Variants in ADGRV1 observed in about 807,000 individuals in gnomAD.
ADGRV1 encodes adhesion G protein-coupled receptor V1, also known as G-protein coupled receptor 98.
Under a neutral mutation model 596.2 loss-of-function variants are expected in ADGRV1, and 359 were observed. That is an observed-to-expected ratio of 0.60 (90% confidence interval 0.55 to 0.66). The LOEUF (loss-of-function observed/expected upper bound fraction) is 0.66, where lower values mean the gene tolerates loss of function less well. Among genes scored for constraint, ADGRV1 ranks in the 30% least tolerant of loss-of-function variants. ADGRV1 has a pLI of 0.00. For synonymous variants in ADGRV1, 2,681 were observed against 2,679.2 expected (o/e 1.00, Z -0.02); for missense variants, 7,274 against 7,575.6 (o/e 0.96, Z 1.48).
At chr5:90,577,118 T>A (rs1240144882) in intron 1 of ADGRV1, among the ~76,000 whole-genome samples, 1 of 152,202 alleles carries the variant, frequency 6.6e-6, no homozygotes, top group East Asian at 1.9e-4. Context: ...GCTCTTTAGT[T>A]TAATTAGATC....
At chr5:91,090,098 C>T (rs183285830) in intron 86 of ADGRV1, among the ~76,000 whole-genome samples, 330 of 152,210 alleles carry the variant, frequency 2.2e-3, no homozygotes, top group Middle Eastern at 0.014. Context: ...AAAATTACTA[C>T]GACAGCTGTA....
rs1247149538 is a variant in ADGRV1, at chr5:90,566,916, G to A, written c.22+7999G>A. Among the ~76,000 whole-genome samples, 4 of 152,112 alleles carry A rather than the reference G, an allele frequency of 2.6e-5. No individual in the cohort carries two copies. The South Asian group carries it at 8.3e-4, about 32-fold the overall frequency. On this transcript the variant is annotated intron_variant, in intron 1 of 89. Coordinates refer to ENST00000405460, the MANE Select transcript of ADGRV1 (RefSeq NM_032119.4). ...TGTGATCTTAGAGAGAAAACTTTTG[G>A]TCTTTCAGCATTAAGTATGATGTGG...
At chr5:90,569,994 T>A (rs1756312717) in intron 1 of ADGRV1, among the ~76,000 whole-genome samples, 1 of 152,174 alleles carries the variant, frequency 6.6e-6, no homozygotes, top group Non-Finnish European at 1.5e-5. Context: ...AAAGTACATT[T>A]ATGCCATCTT....
rs551023400 is a variant in ADGRV1, at chr5:91,066,048, T to C, written c.18153-6399T>C. The stretch of plus-strand genomic sequence containing the variant: ...TGAAGTTCTTTGAAGCTGGTTGAGC[T>C]GCAATTACAGAGAACACATTCTCCT... On this transcript the variant is annotated intron_variant, in intron 85 of 89. Transcript: ENST00000405460. Among the ~76,000 whole-genome samples, 7 of 152,346 alleles carry C rather than the reference T, an allele frequency of 4.6e-5. No individual in the cohort carries two copies. In the South Asian group the frequency reaches 1.5e-3, roughly 32 times the overall value.
chr5:90,730,056 C>G (rs535014674), intron 50 of ADGRV1, among the ~76,000 whole-genome samples: 21 of 152,170 alleles, frequency 1.4e-4, no homozygotes, highest in Admixed American at 3.3e-4. Flanking sequence ...TTAGTAGAGA[C>G]GGGGTTTCAC....
chr5:91,069,647 G>T (rs1581959778), intron 85 of ADGRV1, among the ~76,000 whole-genome samples: 1 of 152,218 alleles, frequency 6.6e-6, no homozygotes, highest in Non-Finnish European at 1.5e-5. Flanking sequence ...GTGAATGCAT[G>T]TGCACTATTG....
intron 19 of ADGRV1, 126 bp downstream of exon 19, chr5:90,652,689 C>G (rs779966146): frequency 6.0e-5 from 37 of 612,274 alleles, no homozygotes; most frequent in South Asian, 3.5e-4. Context: ...TCATGACTAT[C>G]TGATTTTAAA....
chr5:90,639,035 G>C (rs1375868020), intron 11 of ADGRV1, among the ~76,000 whole-genome samples: 2 of 146,836 alleles, frequency 1.4e-5, no homozygotes, highest in Non-Finnish European at 3.0e-5. Flanking sequence ...AAAATACCAA[G>C]CAAACAAAAA....
intron 83 of ADGRV1, among the ~76,000 whole-genome samples, chr5:90,962,974 G>A (rs1373267705): frequency 6.6e-6 from 1 of 152,080 alleles, no homozygotes; most frequent in Admixed American, 6.5e-5. Flanking sequence ...ATTTAAGTTA[G>A]CATATACTTA....
Position 91,159,470 on chromosome 5 carries a change from T to A in ADGRV1, c.18803-4312T>A, listed in dbSNP as rs180982990. On this transcript the variant is annotated intron_variant, in intron 89 of 89. Transcript: ENST00000405460. ...CCATAAAACAGTCATGGACTTCTTT[T>A]TCAATCTAATTTTAACCATATTACA... is the stretch of plus-strand genomic sequence containing the variant. Among the ~76,000 whole-genome samples the A allele has an allele frequency of 2.0e-3, 303 of 152,344 alleles. 1 individual carries two copies. The highest frequency in any genetic ancestry group is 3.4e-3 in the Non-Finnish European group (229 of 68,032).
chr5:90,686,165 G>T lies in ADGRV1; in HGVS notation c.6490+170G>T, dbSNP rs57363721. On this transcript the variant is annotated intron_variant, in intron 29 of 89. Coordinates refer to ENST00000405460, the MANE Select transcript of ADGRV1 (RefSeq NM_032119.4). The stretch of plus-strand genomic sequence containing the variant: ...ACAAATCTAGAGTCTTTTTTTTTGG[G>T]GGGGGGGATGGAGTCTCGCTTGATT... 2.1e-3 allele frequency among the ~76,000 whole-genome samples: 318 copies of T among 150,234 alleles called. 5 individuals carry two copies. The highest frequency in any genetic ancestry group is 7.2e-3 in the African/African-American group (296 of 40,978).
intron 83 of ADGRV1, among the ~76,000 whole-genome samples, chr5:90,895,671 G>T (rs1484473960): frequency 6.6e-6 from 1 of 152,122 alleles, no homozygotes; most frequent in Non-Finnish European, 1.5e-5. Context: ...CAAATTTCAA[G>T]ATAGAACACT....
Position 90,712,391 on chromosome 5 carries a change from T to C in ADGRV1, c.9147T>C (p.Asn3049=). Residue 3049 remains asparagine (N), a synonymous_variant, in exon 42 of 90, where the codon AAT becomes AAC. Transcript: ENST00000405460. ...GDEKFQLILT[N]PSPGLELGKN... is the part of the protein sequence containing the mutation. ...AAAAATTTCAGCTGATTTTAACAAA[T>C]CCTTCTCCTGGACTAGAGCTAGGGA... is the stretch of plus-strand genomic sequence containing the variant. The C allele has an allele frequency of 6.3e-7, 1 of 1,590,770 alleles. No homozygotes were observed. The highest frequency in any genetic ancestry group is 1.7e-4 in the Middle Eastern group (1 of 5,844).
At chr5:90,799,368 A>C (rs1761104659) in intron 70 of ADGRV1, among the ~76,000 whole-genome samples, 1 of 152,182 alleles carries the variant, frequency 6.6e-6, no homozygotes, top group Non-Finnish European at 1.5e-5. Flanking sequence ...TCAAATTTAC[A>C]AGGGATGTGA....
chr5:91,116,026 G>A (rs1792824205), intron 87 of ADGRV1, among the ~76,000 whole-genome samples: 1 of 152,040 alleles, frequency 6.6e-6, no homozygotes, highest in Non-Finnish European at 1.5e-5. Flanking sequence ...CAAATGGATA[G>A]CACTCCAGGA....
chr5:91,066,138 T>C (rs974351786), intron 85 of ADGRV1, among the ~76,000 whole-genome samples: 2 of 152,240 alleles, frequency 1.3e-5, no homozygotes, highest in African/African-American at 4.8e-5. Context: ...ATCTGCCAGA[T>C]GTGTTCTTGA....
chr5:91,052,535 A>G (rs574551443), intron 85 of ADGRV1, among the ~76,000 whole-genome samples: 1 of 152,042 alleles, frequency 6.6e-6, no homozygotes, highest in East Asian at 1.9e-4. Flanking sequence ...CCCGGGCTCA[A>G]ATGATTATCG....
intron 83 of ADGRV1, among the ~76,000 whole-genome samples, chr5:90,875,521 TC>T (rs1369805520): frequency 6.6e-6 from 1 of 152,192 alleles, no homozygotes; most frequent in Non-Finnish European, 1.5e-5. Context: ...ATATGGCTCT[TC>T]TTCCTTCAAA....
intron 83 of ADGRV1, among the ~76,000 whole-genome samples, chr5:90,866,704 C>T (rs1005738028): frequency 2.6e-5 from 4 of 151,998 alleles, no homozygotes; most frequent in African/African-American, 9.7e-5. Context: ...TTGTACTCCA[C>T]TGGCTTTGAA....
Sources: gnomAD v4.1 joint callset for allele counts (sites outside exome capture counted in the v4.1 genomes callset) on GRCh38, gnomAD v4.1.1 for gene constraint, MANE v1.5 for transcripts, NCBI Gene and HGNC (gene_info 2026-07-23, HGNC 2026-07-21) for gene names.